Variants in DCC observed in about 807,000 individuals in gnomAD.
DCC encodes the protein DCC netrin 1 receptor.
DCC carries 58 observed loss-of-function variants against 172.5 expected under a neutral mutation model. The ratio of observed to expected loss-of-function variants is 0.34; its 90% CI spans 0.27 to 0.42. The LOEUF (loss-of-function observed/expected upper bound fraction) is 0.42. Ranked by LOEUF, DCC falls within the 10% of genes least tolerant of loss-of-function variation. The pLI is 1.00. For synonymous variants in DCC, 709 were observed against 644.5 expected (o/e 1.10, Z -1.52); for missense variants, 1,740 against 1,791.0 (o/e 0.97, Z 0.51).
intron 2 of DCC, among the ~76,000 whole-genome samples, chr18:52,810,486 G>A (rs559743733): frequency 6.6e-6 from 1 of 152,188 alleles, no homozygotes; most frequent in African/African-American, 2.4e-5. Context: ...ATATTGAACG[G>A]TGAGGAGGGC....
intron 2 of DCC, among the ~76,000 whole-genome samples, chr18:52,808,776 C>A (rs2038137688): frequency 6.6e-6 from 1 of 152,148 alleles, no homozygotes; most frequent in Non-Finnish European, 1.5e-5. Context: ...TTAAGTTTAA[C>A]CCCATTGTCT....
chr18:53,497,487 T>C (rs780409778), intron 26 of DCC, among the ~76,000 whole-genome samples: 35 of 152,198 alleles, frequency 2.3e-4, no homozygotes, highest in Non-Finnish European at 4.9e-4. Context: ...GTCATCTCTT[T>C]CAGGCCAGTG....
intron 1 of DCC, among the ~76,000 whole-genome samples, chr18:52,616,344 T>A (rs573470058): frequency 4.6e-5 from 7 of 152,300 alleles, no homozygotes; most frequent in African/African-American, 1.7e-4. Flanking sequence ...CATATTTTAA[T>A]ACCTGAAAGT....
chr18:52,608,886 AC>A (rs1449615933), intron 1 of DCC, among the ~76,000 whole-genome samples: 2 of 152,186 alleles, frequency 1.3e-5, no homozygotes, highest in African/African-American at 4.8e-5. Context: ...TGCACAACTC[AC>A]ATAATTTCCT....
At chr18:53,414,380 G>A (rs886256028) in intron 20 of DCC, among the ~76,000 whole-genome samples, 1 of 152,128 alleles carries the variant, frequency 6.6e-6, no homozygotes, top group Admixed American at 6.6e-5. Context: ...AATAAAATGG[G>A]TGGGAGGAAA....
intron 7 of DCC, among the ~76,000 whole-genome samples, chr18:53,080,788 G>C (rs2042788423): frequency 6.6e-6 from 1 of 152,054 alleles, no homozygotes; most frequent in South Asian, 2.1e-4. Flanking sequence ...AGGAGCTTTT[G>C]ATGCTGACTG....
intron 7 of DCC, among the ~76,000 whole-genome samples, chr18:53,122,665 T>A (rs2043499422): frequency 6.6e-6 from 1 of 152,088 alleles, no homozygotes; most frequent in Non-Finnish European, 1.5e-5. Flanking sequence ...CAGATTCAAT[T>A]CAGACTTTAA....
intron 1 of DCC, among the ~76,000 whole-genome samples, chr18:52,422,361 G>A (rs1987277389): frequency 6.6e-6 from 1 of 152,136 alleles, no homozygotes; most frequent in Admixed American, 6.6e-5. Flanking sequence ...TTGCATGTCA[G>A]TGGAGCTCTT....
chr18:53,242,361 A>C (rs1389687379), intron 12 of DCC, among the ~76,000 whole-genome samples: 1 of 152,198 alleles, frequency 6.6e-6, no homozygotes, highest in Non-Finnish European at 1.5e-5. Flanking sequence ...TCTAATTTGC[A>C]TTTAGGACTA....
At chr18:52,511,817 G>C (rs2031452262) in intron 1 of DCC, among the ~76,000 whole-genome samples, 1 of 152,058 alleles carries the variant, frequency 6.6e-6, no homozygotes, top group African/African-American at 2.4e-5. Context: ...TGATTGGACG[G>C]GAACACAGAG....
intron 9 of DCC, among the ~76,000 whole-genome samples, chr18:53,196,425 G>A (rs2055443711): frequency 6.6e-6 from 1 of 152,136 alleles, no homozygotes; most frequent in Admixed American, 6.5e-5. Context: ...TTACTACTTG[G>A]TTGTGTTAGT....
intron 3 of DCC, among the ~76,000 whole-genome samples, chr18:52,911,668 A>C (rs930761509): frequency 3.9e-5 from 6 of 151,986 alleles, no homozygotes; most frequent in Admixed American, 2.6e-4. Context: ...TACACCCAAA[A>C]AACGGAAGTG....
intron 8 of DCC, among the ~76,000 whole-genome samples, chr18:53,161,760 T>A (rs1158437351): frequency 2.0e-5 from 3 of 152,152 alleles, no homozygotes; most frequent in Non-Finnish European, 2.9e-5. Context: ...TTGAAATAAT[T>A]CATAGCTCGT....
intron 7 of DCC, among the ~76,000 whole-genome samples, chr18:53,149,343 A>G (rs547931983): frequency 6.0e-4 from 91 of 152,292 alleles, no homozygotes; most frequent in African/African-American, 2.0e-3. Flanking sequence ...ACTTCTCATT[A>G]TCACTTAACA....
intron 1 of DCC, among the ~76,000 whole-genome samples, chr18:52,679,467 A>G (rs2035704250): frequency 6.6e-6 from 1 of 152,150 alleles, no homozygotes; most frequent in Non-Finnish European, 1.5e-5. Context: ...ACAGAAAATA[A>G]GGGTGTATAT....
rs556448141 is a variant in DCC at position 52,772,655 on chromosome 18, AAGG to A, written c.412+20284_412+20286del. Among the ~76,000 whole-genome samples, 600 of 152,312 alleles carry A rather than the reference AAGG, an allele frequency of 3.9e-3. 2 individuals are homozygous for A. The highest frequency in any genetic ancestry group is 0.01 in the Admixed American group (158 of 15,296). ...TCAAATGAGATAAGGTCCTGCCTTC[AAGG>A]AGATTTCAGTCCAGAAAAAGATCTG... is the stretch of plus-strand genomic sequence containing the variant. On this transcript the variant is annotated intron_variant, in intron 2 of 28. Coordinates refer to ENST00000442544, the MANE Select transcript of DCC (RefSeq NM_005215.4).
chr18:53,406,798 T>G (rs1190107302), intron 19 of DCC, among the ~76,000 whole-genome samples: 1 of 151,864 alleles, frequency 6.6e-6, no homozygotes, highest in East Asian at 1.9e-4. Context: ...TGTGGTTATA[T>G]AGAAATTTAT....
At chr18:53,486,465 TAAAAG>T (rs528859350) in intron 25 of DCC, among the ~76,000 whole-genome samples, 109 of 152,304 alleles carry the variant, frequency 7.2e-4, no homozygotes, top group African/African-American at 2.5e-3. Context: ...AGTTCATCCT[TAAAAG>T]AAAGACTAAG....
At chr18:52,389,334 A>C (rs1323961383) in intron 1 of DCC, among the ~76,000 whole-genome samples, 1 of 152,152 alleles carries the variant, frequency 6.6e-6, no homozygotes, top group African/African-American at 2.4e-5. Flanking sequence ...TATATCTCAA[A>C]TATCGCATGG....
Sources: gnomAD v4.1 joint callset for allele counts (sites outside exome capture counted in the v4.1 genomes callset) on GRCh38, gnomAD v4.1.1 for gene constraint, MANE v1.5 for transcripts, NCBI Gene and HGNC (gene_info 2026-07-23, HGNC 2026-07-21) for gene names.